PPARGC1A: variants seen among roughly 807,000 people sequenced by gnomAD.
The protein encoded by PPARGC1A is PPARG coactivator 1 alpha, also known as peroxisome proliferator-activated receptor gamma coactivator 1-alpha.
In PPARGC1A, 25 loss-of-function variants were observed where a neutral mutation model predicts 88.7. The ratio of observed to expected loss-of-function variants is 0.28; its 90% CI spans 0.21 to 0.39. The LOEUF is 0.39. PPARGC1A is among the 10% of genes least tolerant of loss of function. The pLI, the probability that PPARGC1A is intolerant of heterozygous loss-of-function variation, is 1.00. For missense variants in PPARGC1A, 880 were observed against 968.7 expected, an observed-to-expected ratio of 0.91 and a Z score of 1.22; for synonymous variants, 363 against 355.6, an observed-to-expected ratio of 1.02 and a Z score of -0.24.
the PPARGC1A span, among the ~76,000 whole-genome samples, chr4:24,072,818 C>G: frequency 6.6e-6 from 1 of 152,088 alleles, no homozygotes; most frequent in Non-Finnish European, 1.5e-5. Context: ...TAGAATTCTG[C>G]ATTTGTGAAT....
the PPARGC1A span, among the ~76,000 whole-genome samples, chr4:24,462,387 G>A: frequency 2.3e-3 from 356 of 151,836 alleles, 2 homozygotes; most frequent in African/African-American, 7.2e-3. Context: ...GTGAGCCACC[G>A]CGCCTGGCCA....
chr4:24,470,347 C>T, the PPARGC1A span, among the ~76,000 whole-genome samples: 3 of 151,626 alleles, frequency 2.0e-5, no homozygotes, highest in Admixed American at 6.6e-5. This position sits in a 1 kb window ranked among gnomAD's most constrained non-coding sequence, Gnocchi z 5.8. Flanking sequence ...GGCAGGCACG[C>T]GGACGCCCGC....
chr4:24,031,535 C>T, the PPARGC1A span, among the ~76,000 whole-genome samples: 3 of 152,196 alleles, frequency 2.0e-5, no homozygotes, highest in Non-Finnish European at 4.4e-5. Context: ...TGCAGCTCAG[C>T]TCTAGTTGAC....
At chr4:24,050,952 C>T in the PPARGC1A span, among the ~76,000 whole-genome samples, 1 of 152,048 alleles carries the variant, frequency 6.6e-6, no homozygotes, top group Non-Finnish European at 1.5e-5. Context: ...CTTTGGGAGG[C>T]CAAGGTGGGC....
Position 23,814,398 on chromosome 4 carries a change from G to A in PPARGC1A, c.1085C>T (p.Ser362Leu). The A allele has an allele frequency of 6.2e-7, 1 of 1,613,936 alleles. No homozygotes were observed. ...TTCCTCGTGTCCACCAGTGAGGACT[G>A]AGGACTTGCTGAGTTGTGCATACAA... ...SELYAQLSKS[S>L]VLTGGHEERK... is the part of the protein sequence containing the mutation. The change falls in exon 8 of 13, where the codon TCA (serine) becomes TTA (leucine). Residue 362 changes from serine (S) to leucine (L), a missense_variant. Coordinates refer to ENST00000264867, the MANE Select transcript of PPARGC1A (RefSeq NM_013261.5).
chr4:23,953,432 A>T, the PPARGC1A span, among the ~76,000 whole-genome samples: 2 of 152,116 alleles, frequency 1.3e-5, no homozygotes. Context: ...GAAAAACTTT[A>T]TTATGGAACA....
At chr4:23,968,541 C>T in the PPARGC1A span, among the ~76,000 whole-genome samples, 10 of 152,150 alleles carry the variant, frequency 6.6e-5, no homozygotes. Flanking sequence ...TTTATGAAGA[C>T]AGTCATCTTT....
the PPARGC1A span, among the ~76,000 whole-genome samples, chr4:24,453,049 C>T: frequency 1.3e-5 from 2 of 152,124 alleles, no homozygotes; most frequent in Non-Finnish European, 2.9e-5. Context: ...AATCCTAACC[C>T]AGTATGACAG....
chr4:24,382,421 T>A, the PPARGC1A span, among the ~76,000 whole-genome samples: 4 of 152,138 alleles, frequency 2.6e-5, no homozygotes, highest in African/African-American at 9.7e-5. Context: ...TTATAAGAAC[T>A]TTCAGAACTT....
At chr4:24,149,021 C>T in the PPARGC1A span, among the ~76,000 whole-genome samples, 1 of 152,168 alleles carries the variant, frequency 6.6e-6, no homozygotes, top group African/African-American at 2.4e-5. Flanking sequence ...ATGTTCATCT[C>T]TGGGTGGTCT....
chr4:24,210,024 T>C, the PPARGC1A span, among the ~76,000 whole-genome samples: 7,329 of 152,258 alleles, frequency 0.048, 411 homozygotes, highest in East Asian at 0.15. Flanking sequence ...CTCAAGATTG[T>C]ATGACAAATC....
chr4:23,963,470 AT>A, the PPARGC1A span, among the ~76,000 whole-genome samples: 1 of 152,088 alleles, frequency 6.6e-6, no homozygotes, highest in Non-Finnish European at 1.5e-5. Context: ...TTTTTCATCT[AT>A]GTATAATTTC....
At chr4:24,288,744 T>C in the PPARGC1A span, among the ~76,000 whole-genome samples, 1 of 152,218 alleles carries the variant, frequency 6.6e-6, no homozygotes, top group Non-Finnish European at 1.5e-5. Context: ...GGAATGGCTA[T>C]TTTAAAAATC....
the PPARGC1A span, among the ~76,000 whole-genome samples, chr4:23,992,495 C>T: frequency 2.6e-5 from 4 of 151,848 alleles, no homozygotes; most frequent in Admixed American, 1.3e-4. Context: ...ACTGGCACCT[C>T]GAGTAGTTAT....
At chr4:24,208,666 C>CAA in the PPARGC1A span, among the ~76,000 whole-genome samples, 1 of 96,692 alleles carries the variant, frequency 1.0e-5, no homozygotes, top group African/African-American at 3.7e-5. Context: ...ATCAAACTCA[C>CAA]CAAACTCAGA....
the PPARGC1A span, among the ~76,000 whole-genome samples, chr4:24,418,029 G>A: frequency 6.6e-6 from 1 of 151,460 alleles, no homozygotes; most frequent in Non-Finnish European, 1.5e-5. Flanking sequence ...AAAATAATAA[G>A]AATATTATTC....
At chr4:23,963,180 A>G in the PPARGC1A span, among the ~76,000 whole-genome samples, 5 of 152,212 alleles carry the variant, frequency 3.3e-5, no homozygotes, top group African/African-American at 4.8e-5. Context: ...ATGAGGACCT[A>G]GCATTAAACC....
chr4:23,886,053 T>G (rs1023784786), intron 1 of PPARGC1A, among the ~76,000 whole-genome samples: 4 of 152,108 alleles, frequency 2.6e-5, no homozygotes, highest in Non-Finnish European at 1.5e-5. Context: ...CCGCAGACAG[T>G]AAAGAACACT....
In PPARGC1A at chr4:23,831,697, C is replaced by A; in HGVS notation, c.289G>T (p.Asp97Tyr). 6.2e-7 allele frequency: 1 copy of A among 1,613,882 alleles called. No individual in the cohort carries two copies. The highest frequency in any genetic ancestry group is 8.5e-7 in the Non-Finnish European group (1 of 1,179,798). ...NLLAVLTETL[D>Y]SLPVDEDGLP... ...CCGTCTTCATCCACAGGGAGACTGT[C>A]TAGTGTCTCTGTGAGGACTGCTAGC... is the stretch of plus-strand genomic sequence containing the variant. The change falls in exon 3 of 13, where the codon GAC (aspartate) becomes TAC (tyrosine). Residue 97 changes from aspartate to tyrosine, a missense_variant. Transcript: ENST00000264867.
Sources: gnomAD v4.1 joint callset for allele counts (sites outside exome capture counted in the v4.1 genomes callset) on GRCh38, gnomAD v4.1.1 for gene constraint, Gnocchi (gnomAD v3.1) non-coding constraint, MANE v1.5 for transcripts, NCBI Gene and HGNC (gene_info 2026-07-23, HGNC 2026-07-21) for gene names.